PCSK9: variants seen among roughly 807,000 people sequenced by gnomAD.
The protein encoded by PCSK9 is convertase subtilisin/kexin type 9 preproprotein.
A neutral mutation model predicts 62.1 loss-of-function variants in PCSK9; 57 were observed. That is an observed-to-expected ratio of 0.92 (90% CI 0.74 to 1.14). The LOEUF (loss-of-function observed/expected upper bound fraction) is 1.14, where lower values mean the gene tolerates loss of function less well. Ranked by LOEUF, PCSK9 falls within the 50% of genes most tolerant of loss-of-function variation. The pLI, the probability that PCSK9 is intolerant of heterozygous loss-of-function variation, is 0.00. For missense variants in PCSK9, 870 were observed against 959.8 expected (o/e 0.91, Z 1.24); for synonymous variants, 387 against 409.4 (o/e 0.95, Z 0.66).
chr1:55,053,159 T>C (rs2100300967), intron 5 of PCSK9, among the ~76,000 whole-genome samples: 1 of 152,208 alleles, frequency 6.6e-6, no homozygotes, highest in Non-Finnish European at 1.5e-5. Flanking sequence ...TTTTCTATCT[T>C]CTGCTTGCAT....
Position 55,043,869 on chromosome 1 carries a change from C to T in PCSK9, c.234C>T (p.Tyr78=), listed in dbSNP as rs779758641. Residue 78 remains tyrosine (Y), a synonymous_variant, in exon 2 of 12, where the codon TAC becomes TAT. Transcript: ENST00000302118. ...AKDPWRLPGT[Y]VVVLKEETHL... ...ATCCGTGGAGGTTGCCTGGCACCTA[C>T]GTGGTGGTGCTGAAGGAGGAGACCC... 2.2e-5 allele frequency: 35 copies of T among 1,614,090 alleles called. No homozygotes were observed. Among genetic ancestry groups the T allele is most frequent in the Middle Eastern group, 1.6e-4 (1 of 6,068 alleles).
intron 6 of PCSK9, among the ~76,000 whole-genome samples, chr1:55,056,588 C>T (rs1369000137): frequency 3.3e-5 from 5 of 152,226 alleles, no homozygotes; most frequent in Non-Finnish European, 5.9e-5. Flanking sequence ...GTCCAGCTCT[C>T]TCCGCGGCTC....
rs200551844 is a variant in PCSK9, at chr1:55,055,976, G to T, written c.800-17G>T. On this transcript the variant is annotated splice_polypyrimidine_tract_variant and intron_variant, in intron 5 of 11. Coordinates refer to ENST00000302118, the MANE Select transcript of PCSK9 (RefSeq NM_174936.4). ...GCAGGTCTCCCCAAGGGGTGACCTT[G>T]GCTTTGTTCCTCCCAGGCCTGGAGT... The T allele has an allele frequency of 3.7e-5, 59 of 1,598,898 alleles. No individual in the cohort carries two copies. The Admixed American group carries it at 7.9e-4, about 21-fold the overall frequency.
intron 3 of PCSK9, chr1:55,051,631 CCAAACTGAT>C (rs1414886205): frequency 4.4e-6 from 1 of 225,564 alleles, no homozygotes; most frequent in African/African-American, 2.4e-5. Context: ...CTTGGAGAAT[CCAAACTGAT>C]CCAGTTAGGG....
intron 9 of PCSK9, among the ~76,000 whole-genome samples, chr1:55,059,194 CAG>C (rs1644740807): frequency 6.6e-6 from 1 of 152,164 alleles, no homozygotes; most frequent in African/African-American, 2.4e-5. Context: ...GTGTGAGAGG[CAG>C]AGTGGGTGGA....
intron 3 of PCSK9, among the ~76,000 whole-genome samples, chr1:55,047,996 C>G (rs1644646300): frequency 1.3e-5 from 2 of 152,224 alleles, no homozygotes; most frequent in Admixed American, 1.3e-4. Flanking sequence ...CCAGTCCAGG[C>G]AGGGACTGAG....
chr1:55,063,779 C>T lies in PCSK9; in HGVS notation c.*195C>T. The T allele has an allele frequency of 1.5e-6, 1 of 653,974 alleles. No homozygotes were observed. The highest frequency in any genetic ancestry group is 2.8e-5 in the East Asian group (1 of 36,142). The allele number at this position is 653,974 out of a possible 1,614,324, so 40.5% of individuals were successfully genotyped here. ...GCCTGGAACTCACTCACTCTGGGTG[C>T]CTCCTCCCCAGGTGGAGGTGCCAGG... On this transcript the variant is annotated 3_prime_UTR_variant, in exon 12 of 12. Transcript: ENST00000302118.
chr1:55,050,795 GC>G, intron 3 of PCSK9: 1 of 273,368 alleles, frequency 3.7e-6, no homozygotes, highest in South Asian at 3.2e-5. Context: ...CTAAATAGTG[GC>G]CCCCACAGAT....
At chr1:55,061,148 G>A (rs1644755910) in intron 10 of PCSK9, among the ~76,000 whole-genome samples, 1 of 152,178 alleles carries the variant, frequency 6.6e-6, no homozygotes, top group Non-Finnish European at 1.5e-5. Context: ...AGAAACTAAG[G>A]CTCAGAGAGG....
intron 3 of PCSK9, chr1:55,051,299 C>T: frequency 2.3e-6 from 1 of 430,512 alleles, no homozygotes; most frequent in South Asian, 1.7e-5. Context: ...GCCCAGAGGG[C>T]TGCCCTCTGA....
intron 11 of PCSK9, 102 bp from the exon 12 acceptor site, chr1:55,063,267 G>A (rs1206668049): frequency 2.3e-6 from 3 of 1,288,404 alleles, no homozygotes; most frequent in African/African-American, 1.5e-5. Context: ...AGGGCCGTCT[G>A]CACTTTGGCC....
intron 2 of PCSK9, 120 bp from the exon 3 acceptor site, chr1:55,046,403 T>C: frequency 1.4e-6 from 2 of 1,470,366 alleles, no homozygotes; most frequent in Non-Finnish European, 1.9e-6. Flanking sequence ...AGGGACAAGG[T>C]GGGAGGCTGC....
chr1:55,048,684 G>A (rs1343770821), intron 3 of PCSK9, among the ~76,000 whole-genome samples: 3 of 152,220 alleles, frequency 2.0e-5, no homozygotes, highest in Non-Finnish European at 2.9e-5. Context: ...GGGCCCTAGA[G>A]CTGGCTGCCG....
At chr1:55,051,761 G>C (rs770736511) in intron 3 of PCSK9, 1 of 234,822 alleles carries the variant, frequency 4.3e-6, no homozygotes, top group African/African-American at 2.3e-5. Context: ...AGTGGAGAAC[G>C]CTTGGACCTG....
intron 11 of PCSK9, among the ~76,000 whole-genome samples, chr1:55,062,369 T>G (rs1320750186): frequency 6.6e-6 from 1 of 152,204 alleles, no homozygotes; most frequent in African/African-American, 2.4e-5. Context: ...TGGTCTTGGA[T>G]CCACTTGCCC....
At chr1:55,048,304 A>C (rs955069251) in intron 3 of PCSK9, among the ~76,000 whole-genome samples, 2 of 152,176 alleles carry the variant, frequency 1.3e-5, no homozygotes, top group Non-Finnish European at 2.9e-5. Context: ...ATCCTCCAGG[A>C]TGATCTCATG....
chr1:55,057,123 C>G (rs28362258), intron 6 of PCSK9, among the ~76,000 whole-genome samples: 1 of 152,214 alleles, frequency 6.6e-6, no homozygotes, highest in South Asian at 2.1e-4. Flanking sequence ...TGCTGCCTGG[C>G]TATGGTAGGG....
Position 55,040,403 on chromosome 1 carries a change from G to A in PCSK9, c.207+359G>A, listed in dbSNP as rs28385703. 0.012 allele frequency among the ~76,000 whole-genome samples: 1,784 copies of A among 152,322 alleles called. 12 individuals are homozygous for A. Among genetic ancestry groups the A allele is most frequent in the Non-Finnish European group, 0.021 (1,443 of 68,020 alleles). On this transcript the variant is annotated intron_variant, in intron 1 of 11. Coordinates refer to ENST00000302118, the MANE Select transcript of PCSK9 (RefSeq NM_174936.4). The surrounding 1 kb of genome is among the most constrained non-coding windows in gnomAD (Gnocchi z 4.1). ...CCAGTTTCTGCCTCGCCGCGGCACA[G>A]GTGGGTGAAGGAGTGAATGCCTGGA...
chr1:55,057,909 G>A, intron 7 of PCSK9, 127 bp from the exon 8 acceptor site: 1 of 1,358,218 alleles, frequency 7.4e-7, no homozygotes, highest in Non-Finnish European at 1.0e-6. Flanking sequence ...CCTTCGAGAA[G>A]AGAGCTTAGT....
Sources: allele counts gnomAD v4.1 joint callset (sites outside exome capture counted in the v4.1 genomes callset), GRCh38; gene constraint gnomAD v4.1.1; non-coding constraint Gnocchi (gnomAD v3.1); transcripts MANE v1.5; gene names NCBI Gene and HGNC (gene_info 2026-07-23, HGNC 2026-07-21).